The following PCYT1B variants were observed in gnomAD, a reference collection of about 807,000 sequenced individuals.
The protein encoded by PCYT1B is phosphate cytidylyltransferase 1B, choline, also known as choline-phosphate cytidylyltransferase B.
In PCYT1B, 10 loss-of-function variants were observed where a neutral mutation model predicts 26.4. The ratio of observed to expected loss-of-function variants is 0.38; its 90% CI spans 0.23 to 0.64. The LOEUF is 0.64. Among genes scored for constraint, PCYT1B ranks in the 30% least tolerant of loss-of-function variants. The pLI, the probability that PCYT1B is intolerant of heterozygous loss-of-function variation, is 0.56. For missense variants in PCYT1B, 161 were observed against 292.7 expected, an observed-to-expected ratio of 0.55 and a Z score of 3.28; for synonymous variants, 131 against 108.4, an observed-to-expected ratio of 1.21 and a Z score of -1.29.
chrX:24,569,227 T>A (rs899919354), intron 7 of PCYT1B, among the ~76,000 whole-genome samples: 9 of 109,095 alleles, frequency 8.2e-5, no homozygotes, highest in African/African-American at 2.3e-4. Context: ...AAATCAAAAA[T>A]CTTAAAAATT....
At chrX:24,606,638 T>C (rs985790829) in intron 3 of PCYT1B, among the ~76,000 whole-genome samples, 12 of 111,882 alleles carry the variant, frequency 1.1e-4, no homozygotes, top group Admixed American at 4.8e-4. Context: ...CTGAGGTGGG[T>C]GGATCACCTG....
At chrX:24,610,580 AT>A (rs1209937962) in intron 2 of PCYT1B, among the ~76,000 whole-genome samples, 7 of 112,308 alleles carry the variant, frequency 6.2e-5, no homozygotes, top group Middle Eastern at 4.6e-3. Context: ...ACTTTTTGTT[AT>A]TGATTCAGAG....
chrX:24,610,713 T>C (rs1280384820), intron 2 of PCYT1B, among the ~76,000 whole-genome samples: 8 of 111,827 alleles, frequency 7.2e-5, no homozygotes, highest in African/African-American at 2.6e-4. Context: ...GATTTTGCAA[T>C]AAGCTCACTT....
chrX:24,592,083 T>C (rs1924585434), intron 3 of PCYT1B, among the ~76,000 whole-genome samples: 1 of 111,727 alleles, frequency 9.0e-6, no homozygotes, highest in African/African-American at 3.3e-5. Flanking sequence ...GTAACCACTG[T>C]TCTACTCTCT....
Position 24,562,322 on chromosome X carries a change from T to C in PCYT1B, c.1081A>G (p.Met361Val). 2.6e-6 allele frequency: 3 copies of C among 1,164,577 alleles called. No homozygotes were observed. The East Asian group carries it at 9.0e-5, about 35-fold the overall frequency. The change falls in exon 8 of 8, where the codon ATG becomes GTG. Residue 361 changes from methionine to valine, a missense_variant. This residue lies in a region of PCYT1B where 38 missense variants were observed against 55.9 expected (regional missense o/e 0.68). Transcript: ENST00000379144. Reference protein sequence around the residue: ...PKAASASISSMSEGDEDEK With the variant: ...PKAASASISSVSEGDEDEK ...TTTTCATCCTCATCCCCCTCGCTCA[T>C]GCTGCTGATAGAGGCTGAGGCTGCT...
Position 24,558,595 on chromosome X carries a change from T to C in PCYT1B, c.*3698A>G, listed in dbSNP as rs1923250717. 1 of 105,594 alleles carries C rather than the reference T, an allele frequency of 9.5e-6. No homozygotes were observed. The highest frequency in any genetic ancestry group is 1.9e-5 in the Non-Finnish European group (1 of 51,647). The allele number at this position is 105,594 out of a possible 1,213,427, so 8.7% of individuals were successfully genotyped here. On this transcript the variant is annotated 3_prime_UTR_variant, in exon 8 of 8. Coordinates refer to ENST00000379144, the MANE Select transcript of PCYT1B (RefSeq NM_004845.5). ...AGACGGAGAGAAAATAAATCCGTGC[T>C]CTTCCTGTCCCTCCCTCAGGGGGTG...
intron 1 of PCYT1B, among the ~76,000 whole-genome samples, chrX:24,670,318 C>G (rs993200685): frequency 4.5e-5 from 5 of 111,819 alleles, no homozygotes; most frequent in Non-Finnish European, 7.5e-5. Flanking sequence ...TTTCCATTTC[C>G]TGAGAGCTAT....
At chrX:24,653,727 A>T (rs1412501104) in intron 1 of PCYT1B, among the ~76,000 whole-genome samples, 2 of 110,290 alleles carry the variant, frequency 1.8e-5, no homozygotes, top group African/African-American at 6.6e-5. Context: ...AGGTCTCAAG[A>T]TACCATTAAG....
chrX:24,651,472 AATATATATATATATATATATAT>A (rs200652780), upstream of PCYT1B, among the ~76,000 whole-genome samples: 3 of 26,053 alleles, frequency 1.2e-4, no homozygotes, highest in African/African-American at 5.9e-4. Flanking sequence ...AAAAAAAAAA[AATATATATATATATATATATAT>A]ATATATATAT....
At chrX:24,656,052 A>C (rs1442328794) in intron 1 of PCYT1B, among the ~76,000 whole-genome samples, 15 of 94,908 alleles carry the variant, frequency 1.6e-4, no homozygotes, top group African/African-American at 5.8e-4. Flanking sequence ...TTGCTTGAAC[A>C]CGGGAGGCGG....
intron 5 of PCYT1B, among the ~76,000 whole-genome samples, chrX:24,586,126 A>T (rs1385406275): frequency 8.9e-6 from 1 of 112,200 alleles, no homozygotes; most frequent in Non-Finnish European, 1.9e-5. Flanking sequence ...ATTTTGGGTA[A>T]TTATTTATGT....
chrX:24,568,400 A>G, intron 7 of PCYT1B, among the ~76,000 whole-genome samples: 1 of 111,147 alleles, frequency 9.0e-6, no homozygotes, highest in Non-Finnish European at 1.9e-5. Context: ...TTAGCTGGGC[A>G]TGGTGGTATG....
intron 1 of PCYT1B, among the ~76,000 whole-genome samples, chrX:24,636,082 C>T (rs1926259875): frequency 9.0e-6 from 1 of 111,597 alleles, no homozygotes; most frequent in African/African-American, 3.3e-5. Flanking sequence ...TTCAAGTGCT[C>T]ACTAGACTCT....
At position 24,623,364 on chromosome X, in the gene PCYT1B, C is replaced by CATATATATATATAT. The variant is rs57642734; in HGVS notation, c.118-4294_118-4281dup. Among the ~76,000 whole-genome samples the CATATATATATATAT allele has an allele frequency of 1.9e-3, 151 of 79,621 alleles. 6 individuals are homozygous for CATATATATATATAT. The highest frequency in any genetic ancestry group is 2.4e-3 in the Non-Finnish European group (99 of 41,358). The allele number at this position is 79,621 out of a possible 115,157, so 69.1% of individuals were successfully genotyped here. On this transcript the variant is annotated intron_variant, in intron 1 of 7. Transcript: ENST00000379144. ...GGGTTTGGTTGGCACATGAGATTTACATATATATATATATATATATATATA... is the reference window on the plus strand; with the variant it reads ...GGGTTTGGTTGGCACATGAGATTTACATATATATATATATATATATATATATATATATATATATA...
chrX:24,636,103 G>A (rs778391973), intron 1 of PCYT1B, among the ~76,000 whole-genome samples: 9 of 111,681 alleles, frequency 8.1e-5, no homozygotes, highest in East Asian at 2.8e-4. Context: ...CTTTGGGGCT[G>A]GATATACTGG....
chrX:24,612,585 AG>A (rs1467484208), intron 2 of PCYT1B, among the ~76,000 whole-genome samples: 1 of 112,408 alleles, frequency 8.9e-6, no homozygotes, highest in Non-Finnish European at 1.9e-5. Context: ...AACCACAATG[AG>A]ATAACACTTC....
intron 4 of PCYT1B, among the ~76,000 whole-genome samples, chrX:24,589,107 C>T (rs1442153338): frequency 9.0e-6 from 1 of 111,089 alleles, no homozygotes; most frequent in Non-Finnish European, 1.9e-5. Flanking sequence ...TAATGCCTAG[C>T]ACATGTTGAA....
intron 7 of PCYT1B, among the ~76,000 whole-genome samples, chrX:24,565,067 T>C (rs1923578127): frequency 9.1e-6 from 1 of 110,194 alleles, no homozygotes; most frequent in African/African-American, 3.3e-5. Context: ...GGTTGCTGGG[T>C]GCTTTCAGAA....
chrX:24,589,880 G>A, intron 4 of PCYT1B, 143 bp downstream of exon 4: 1 of 467,781 alleles, frequency 2.1e-6, no homozygotes. Flanking sequence ...GACGAAAGGT[G>A]CCACATCAAG....
Sources: gnomAD v4.1 joint callset for allele counts (sites outside exome capture counted in the v4.1 genomes callset) on GRCh38, gnomAD v4.1.1 for gene constraint, gnomAD v4.1.1 regional missense constraint, MANE v1.5 for transcripts, NCBI Gene and HGNC (gene_info 2026-07-23, HGNC 2026-07-21) for gene names.